The following SLC12A7 variants were observed in gnomAD, a reference collection of about 807,000 sequenced individuals.
SLC12A7 encodes K-Cl cotransporter 4.
A neutral mutation model predicts 120.6 loss-of-function variants in SLC12A7; 100 were observed. The observed-to-expected ratio is 0.83, with a 90% confidence interval of 0.71 to 0.98. The LOEUF is 0.98. Ranked by LOEUF, SLC12A7 falls within the 50% of genes least tolerant of loss-of-function variation. The probability of loss-of-function intolerance (pLI) is 0.00; values close to 1 mark genes in which losing one functional copy is unlikely to be tolerated. For missense variants in SLC12A7, 1,373 were observed against 1,548.1 expected (o/e 0.89, Z 1.90); for synonymous variants, 760 against 678.0 (o/e 1.12, Z -1.88).
intron 15 of SLC12A7, 111 bp downstream of exon 15, chr5:1,075,260 C>CACG: frequency 6.9e-7 from 1 of 1,446,782 alleles, no homozygotes; most frequent in Non-Finnish European, 9.3e-7. Context: ...TGTGAGGGCA[C>CACG]ACGACGCTCA....
At chr5:1,137,809 C>G in the SLC12A7 span, among the ~76,000 whole-genome samples, 1 of 152,228 alleles carries the variant, frequency 6.6e-6, no homozygotes, top group Non-Finnish European at 1.5e-5. Flanking sequence ...GAAGACAGCA[C>G]AAGCGCCTGG....
intron 1 of SLC12A7, among the ~76,000 whole-genome samples, chr5:1,108,231 C>T (rs1265999073): frequency 2.6e-5 from 4 of 152,268 alleles, no homozygotes; most frequent in Admixed American, 6.5e-5. Context: ...CATGCTTTAC[C>T]GCATGCCTGC....
At chr5:1,127,311 C>T in the SLC12A7 span, among the ~76,000 whole-genome samples, 1 of 152,250 alleles carries the variant, frequency 6.6e-6, no homozygotes, top group Non-Finnish European at 1.5e-5. Flanking sequence ...CCACGCCTGG[C>T]CGACTGATGT....
At position 1,077,972 on chromosome 5, in the gene SLC12A7, C is replaced by A; in HGVS notation, c.1490G>T (p.Gly497Val). ...GEALQGNLVI[G>V]MLAWPSPWVI... ...CCAGGGGGAGGGCCAGGCCAGCATG[C>A]CGATGACCAGGTTCCCCTGCAGGGC... Residue 497 changes from glycine (G) to valine (V), a missense_variant, in exon 12 of 24, where the codon GGC (glycine) becomes GTC (valine). Transcript: ENST00000264930. 1 of 1,591,812 alleles carries A rather than the reference C, an allele frequency of 6.3e-7. No individual in the cohort carries two copies.
At chr5:1,118,320 C>T in the SLC12A7 span, among the ~76,000 whole-genome samples, 1 of 152,228 alleles carries the variant, frequency 6.6e-6, no homozygotes, top group Admixed American at 6.5e-5. Flanking sequence ...CAAGGTGAAC[C>T]CATTGGGCGG....
At chr5:1,143,261 C>T in the SLC12A7 span, among the ~76,000 whole-genome samples, 4 of 152,264 alleles carry the variant, frequency 2.6e-5, no homozygotes, top group Non-Finnish European at 5.9e-5. Context: ...TAAGACCGGC[C>T]TCATCAGCTC....
intron 1 of SLC12A7, among the ~76,000 whole-genome samples, chr5:1,100,213 G>A (rs769721091): frequency 5.3e-5 from 8 of 152,270 alleles, no homozygotes; most frequent in South Asian, 4.1e-4. Flanking sequence ...CCTCACCCTC[G>A]GGCGGCACCG....
At chr5:1,147,399 C>T in the SLC12A7 span, among the ~76,000 whole-genome samples, 4 of 152,022 alleles carry the variant, frequency 2.6e-5, no homozygotes, top group East Asian at 3.9e-4. Flanking sequence ...AGAGTCCCTC[C>T]GACCCGGAGA....
intron 9 of SLC12A7, among the ~76,000 whole-genome samples, 198 bp downstream of exon 9, chr5:1,081,379 C>T (rs981067474): frequency 5.3e-5 from 8 of 152,020 alleles, no homozygotes; most frequent in Admixed American, 1.3e-4. Context: ...AGATATTAGC[C>T]GGGCGTGGTA....
chr5:1,104,419 C>T (rs953611833), intron 1 of SLC12A7, among the ~76,000 whole-genome samples: 2 of 152,332 alleles, frequency 1.3e-5, no homozygotes, highest in African/African-American at 2.4e-5. Flanking sequence ...GGAGGGCCAG[C>T]GGGGCTACCC....
At chr5:1,069,802 C>G (rs1237179383) in intron 17 of SLC12A7, among the ~76,000 whole-genome samples, 2 of 152,136 alleles carry the variant, frequency 1.3e-5, no homozygotes, top group Non-Finnish European at 2.9e-5. Flanking sequence ...GTGAAGCTTC[C>G]CATAAGAAGT....
chr5:1,130,901 G>A, the SLC12A7 span, among the ~76,000 whole-genome samples: 2 of 152,206 alleles, frequency 1.3e-5, no homozygotes, highest in Non-Finnish European at 2.9e-5. Context: ...CAGGGAGTAA[G>A]CCCTGGGGAC....
chr5:1,081,505 G>A (rs1739102432), intron 9 of SLC12A7, 72 bp downstream of exon 9: 1 of 1,508,808 alleles, frequency 6.6e-7, no homozygotes, highest in Admixed American at 1.8e-5. Flanking sequence ...CTGGGTGACA[G>A]AGCAAGACCT....
Position 1,069,975 on chromosome 5 carries a change from C to CG in SLC12A7, c.2241+3657dup, listed in dbSNP as rs376102826. Among the ~76,000 whole-genome samples, 390 of 139,346 alleles carry CG rather than the reference C, an allele frequency of 2.8e-3. 13 individuals are homozygous for CG. The highest frequency in any genetic ancestry group is 9.8e-3 in the African/African-American group (330 of 33,822). 91.4% of individuals were successfully genotyped at this position (139,346 alleles called of 152,430 possible). On this transcript the variant is annotated intron_variant, in intron 17 of 23. Transcript: ENST00000264930. ...GAGTGGGCAGAAATTCAGCAGCACACGGCATCACACTTAACGCAGCCCCCA... is the reference window on the plus strand; with the variant it reads ...GAGTGGGCAGAAATTCAGCAGCACACGGGCATCACACTTAACGCAGCCCCCA...
In SLC12A7 at chr5:1,088,681, A is replaced by G. The variant is rs941523040; in HGVS notation, c.489+301T>C. On this transcript the variant is annotated intron_variant, in intron 4 of 23. Coordinates refer to ENST00000264930, the MANE Select transcript of SLC12A7 (RefSeq NM_006598.3). ...CAGCCCCCGGGTGCCGCCCCATGACACCCACCACTGGCTGAGATGCCTGTC... is the reference window on the plus strand; with the variant it reads ...CAGCCCCCGGGTGCCGCCCCATGACGCCCACCACTGGCTGAGATGCCTGTC... 5.9e-5 allele frequency among the ~76,000 whole-genome samples: 9 copies of G among 152,108 alleles called. No individual in the cohort carries two copies. The East Asian group carries it at 1.7e-3, about 29-fold the overall frequency.
the SLC12A7 span, among the ~76,000 whole-genome samples, chr5:1,129,712 C>T: frequency 2.6e-5 from 4 of 151,736 alleles, no homozygotes; most frequent in East Asian, 7.7e-4. Context: ...GAAAAAGTCA[C>T]AGGGGTCACC....
At chr5:1,085,916 C>T (rs1032422956) in intron 6 of SLC12A7, among the ~76,000 whole-genome samples, 2 of 152,262 alleles carry the variant, frequency 1.3e-5, no homozygotes, top group Admixed American at 1.3e-4. Flanking sequence ...CCTGGACACA[C>T]ACAGGGTCTG....
Position 1,051,938 on chromosome 5 carries a change from C to A in SLC12A7, c.*422G>T. 1 of 194,884 alleles carries A rather than the reference C, an allele frequency of 5.1e-6. No homozygotes were observed. Among genetic ancestry groups the A allele is most frequent in the South Asian group, 1.1e-4 (1 of 9,032 alleles). 12.1% of individuals were successfully genotyped at this position (194,884 alleles called of 1,614,324 possible). ...AGGGCTGACGTTTCACCTTCATCATCAGGGACAGCTTCAGCTCCGGGTGCT... is the reference window on the plus strand; with the variant it reads ...AGGGCTGACGTTTCACCTTCATCATAAGGGACAGCTTCAGCTCCGGGTGCT... On this transcript the variant is annotated 3_prime_UTR_variant, in exon 24 of 24. Transcript: ENST00000264930.
chr5:1,137,067 ACACGTGTGTCTACAGC>A, the SLC12A7 span, among the ~76,000 whole-genome samples: 3,542 of 152,282 alleles, frequency 0.023, 160 homozygotes, highest in African/African-American at 0.081. Flanking sequence ...ACATGCAGAC[ACACGTGTGTCTACAGC>A]CAGTGTTTCC....
Sources: allele counts gnomAD v4.1 joint callset (sites outside exome capture counted in the v4.1 genomes callset), GRCh38; gene constraint gnomAD v4.1.1; transcripts MANE v1.5; gene names NCBI Gene and HGNC (gene_info 2026-07-23, HGNC 2026-07-21).